The following LARP1 variants were observed in gnomAD, a reference collection of about 807,000 sequenced individuals.
The protein encoded by LARP1 is la-related protein 1.
LARP1 carries 36 observed loss-of-function variants against 122.7 expected under a neutral mutation model. The ratio of observed to expected loss-of-function variants is 0.29; its 90% confidence interval spans 0.22 to 0.39. The LOEUF is 0.39. Among genes scored for constraint, LARP1 ranks in the 10% least tolerant of loss-of-function variants. The probability of loss-of-function intolerance (pLI) is 1.00; values close to 1 mark genes in which losing one functional copy is unlikely to be tolerated. For missense variants in LARP1, 1,040 were observed against 1,403.6 expected (o/e 0.74, Z 4.14); for synonymous variants, 539 against 528.7 (o/e 1.02, Z -0.27).
rs1490553504 is a variant in LARP1 at position 154,749,881 on chromosome 5, TAACTC to T, written c.205+36754_205+36758del. 4.6e-5 allele frequency among the ~76,000 whole-genome samples: 7 copies of T among 152,360 alleles called. 1 individual carries two copies. The Middle Eastern group carries it at 0.014, about 296-fold the overall frequency. ...AATTTTCCTTCATAATAAGCACAGA[TAACTC>T]AAGGAACCATTCCTCCTTCCTTTAC... On this transcript the variant is annotated intron_variant, in intron 1 of 18. Coordinates refer to the LARP1 transcript ENST00000336314.
intron 1 of LARP1, among the ~76,000 whole-genome samples, chr5:154,730,505 C>T (rs1042264488): frequency 4.6e-5 from 7 of 151,192 alleles, no homozygotes; most frequent in Non-Finnish European, 7.4e-5. Flanking sequence ...GTTGTCTTGC[C>T]GTGGTCGCCC....
chr5:154,735,279 A>T (rs948400615), intron 1 of LARP1, among the ~76,000 whole-genome samples: 1 of 152,060 alleles, frequency 6.6e-6, no homozygotes, highest in African/African-American at 2.4e-5. Flanking sequence ...ACATGGTGAA[A>T]CCCCGTCTCT....
chr5:154,747,353 A>G (rs1753249141), intron 1 of LARP1, among the ~76,000 whole-genome samples: 1 of 151,714 alleles, frequency 6.6e-6, no homozygotes, highest in African/African-American at 2.4e-5. Context: ...GGATCACCTG[A>G]GGTCAGGAGT....
intron 8 of LARP1, 74 bp from the exon 9 acceptor site, chr5:154,799,517 G>A (rs1758170938): frequency 1.3e-6 from 2 of 1,538,644 alleles, no homozygotes; most frequent in Admixed American, 1.7e-5. Flanking sequence ...GGGGAACCCA[G>A]TTGTCTACCA....
chr5:154,790,213 T>A, intron 1 of LARP1, 112 bp from the exon 2 acceptor site: 1 of 796,134 alleles, frequency 1.3e-6, no homozygotes, highest in Non-Finnish European at 2.1e-6. Flanking sequence ...CTTTCTCCTT[T>A]GGGAACTTGC....
chr5:154,754,980 C>T (rs1231284712), upstream of LARP1, among the ~76,000 whole-genome samples: 22 of 152,188 alleles, frequency 1.4e-4, no homozygotes, highest in Admixed American at 1.4e-3. Context: ...GGCCGGGTCC[C>T]ATGTGCTCCA....
chr5:154,790,603 C>T lies in LARP1; in HGVS notation c.499-42C>T, dbSNP rs755776184. 8.1e-6 allele frequency: 13 copies of T among 1,603,850 alleles called. No individual in the cohort carries two copies. The East Asian group carries it at 2.2e-4, about 28-fold the overall frequency. On this transcript the variant is annotated intron_variant, in intron 2 of 18. Transcript: ENST00000518297. ...TGGGTCGGGGGCTGAATAGCAAAGACAGGGTCACTCCTGGGGCCCTCATAG... is the reference window on the plus strand; with the variant it reads ...TGGGTCGGGGGCTGAATAGCAAAGATAGGGTCACTCCTGGGGCCCTCATAG...
intron 1 of LARP1, among the ~76,000 whole-genome samples, chr5:154,738,826 G>A (rs1561555510): frequency 1.3e-5 from 2 of 152,164 alleles, no homozygotes; most frequent in African/African-American, 2.4e-5. Context: ...GGACGCTGAG[G>A]TGGGAGGATT....
At chr5:154,795,763 G>A (rs1456623379) in intron 8 of LARP1, among the ~76,000 whole-genome samples, 1 of 145,340 alleles carries the variant, frequency 6.9e-6, no homozygotes, top group Non-Finnish European at 1.5e-5. Context: ...CATATTAACA[G>A]TTCCTTAATA....
chr5:154,757,984 C>G (rs897613832), intron 1 of LARP1, among the ~76,000 whole-genome samples: 1 of 150,484 alleles, frequency 6.6e-6, no homozygotes, highest in Admixed American at 6.6e-5. Context: ...TCAGTCCCTC[C>G]TATCCACCCA....
intron 1 of LARP1, among the ~76,000 whole-genome samples, chr5:154,702,375 G>A (rs937218229): frequency 5.3e-5 from 8 of 152,058 alleles, no homozygotes; most frequent in Non-Finnish European, 8.8e-5. Context: ...GGCCAACATG[G>A]TGAAACCCCA....
chr5:154,743,127 GGA>G (rs955299435), intron 1 of LARP1, among the ~76,000 whole-genome samples: 4 of 152,088 alleles, frequency 2.6e-5, no homozygotes, highest in African/African-American at 9.7e-5. Context: ...ATTTGATGAT[GGA>G]CTACATCTTG....
intron 1 of LARP1, among the ~76,000 whole-genome samples, chr5:154,692,074 G>C (rs1754245849): frequency 6.6e-6 from 1 of 152,210 alleles, no homozygotes; most frequent in African/African-American, 2.4e-5. Flanking sequence ...ATACAGGCAT[G>C]AGCCACCGCT....
At chr5:154,764,619 AAC>A (rs1754767819) in intron 1 of LARP1, among the ~76,000 whole-genome samples, 2 of 149,728 alleles carry the variant, frequency 1.3e-5, no homozygotes, top group African/African-American at 4.9e-5. Flanking sequence ...AAAAAAAAAA[AAC>A]TGGCTGGGCG....
intron 14 of LARP1, 64 bp from the exon 15 acceptor site, chr5:154,805,817 C>A (rs1758729987): frequency 1.3e-6 from 2 of 1,542,802 alleles, no homozygotes; most frequent in Non-Finnish European, 1.8e-6. Context: ...TCAGAGGGAC[C>A]CCTCCTGACA....
intron 1 of LARP1, among the ~76,000 whole-genome samples, chr5:154,720,137 G>A (rs770940076): frequency 6.6e-6 from 1 of 152,134 alleles, no homozygotes; most frequent in Non-Finnish European, 1.5e-5. Flanking sequence ...GTTGCAGTGA[G>A]CTGAGATCGC....
chr5:154,804,059 CT>C, intron 13 of LARP1, 141 bp from the exon 14 acceptor site: 1 of 702,042 alleles, frequency 1.4e-6, no homozygotes, highest in South Asian at 1.7e-5. Flanking sequence ...TAGCTCACCA[CT>C]GTGAACTTTA....
intron 18 of LARP1, among the ~76,000 whole-genome samples, chr5:154,813,524 A>C (rs910715596): frequency 6.6e-6 from 1 of 152,210 alleles, no homozygotes; most frequent in African/African-American, 2.4e-5. Context: ...GAAGGGAAGC[A>C]GAAATGAGGT....
chr5:154,730,993 T>G (rs1231714592), intron 1 of LARP1, among the ~76,000 whole-genome samples: 2 of 151,660 alleles, frequency 1.3e-5, no homozygotes, highest in Non-Finnish European at 2.9e-5. Context: ...CCTGGCTAAT[T>G]TTTGTATTTT....
Sources: gnomAD v4.1 joint callset for allele counts (sites outside exome capture counted in the v4.1 genomes callset) on GRCh38, gnomAD v4.1.1 for gene constraint, MANE v1.5 for transcripts, NCBI Gene and HGNC (gene_info 2026-07-23, HGNC 2026-07-21) for gene names.